ELFN2: variants seen among roughly 807,000 people sequenced by gnomAD.
ELFN2 encodes the protein protein phosphatase 1 regulatory subunit 29.
A neutral mutation model predicts 45.5 loss-of-function variants in ELFN2; 17 were observed. The ratio of observed to expected loss-of-function variants is 0.37; its 90% CI spans 0.26 to 0.56. The LOEUF is 0.56. Ranked by LOEUF, ELFN2 falls within the 20% of genes least tolerant of loss-of-function variation. The pLI is 0.77. For missense variants in ELFN2, 922 were observed against 1,183.2 expected (o/e 0.78, Z 3.24); for synonymous variants, 550 against 551.5 (o/e 1.00, Z 0.04).
chr22:37,390,251 C>A (rs1932056187), intron 2 of ELFN2, among the ~76,000 whole-genome samples: 1 of 152,220 alleles, frequency 6.6e-6, no homozygotes, highest in Non-Finnish European at 1.5e-5. Context: ...GCGCCTGACA[C>A]AGGAGAGTCG....
At chr22:37,348,839 C>A (rs1039115882) in intron 1 of ELFN2, among the ~76,000 whole-genome samples, 1 of 150,386 alleles carries the variant, frequency 6.6e-6, no homozygotes, top group African/African-American at 2.4e-5. Context: ...CATGAGGGGT[C>A]GGGAGAAAAT....
At chr22:37,425,375 A>G (rs1482590217) in intron 1 of ELFN2, among the ~76,000 whole-genome samples, 1 of 152,182 alleles carries the variant, frequency 6.6e-6, no homozygotes, top group African/African-American at 2.4e-5. Flanking sequence ...AAGGGGTCCC[A>G]TGCCCACTCA....
At chr22:37,393,423 G>A (rs903720790) in intron 2 of ELFN2, among the ~76,000 whole-genome samples, 7 of 152,192 alleles carry the variant, frequency 4.6e-5, no homozygotes, top group East Asian at 3.9e-4. Context: ...CAGCATCTCC[G>A]GGCTAACTTG....
intron 1 of ELFN2, among the ~76,000 whole-genome samples, chr22:37,362,553 A>C (rs976830212): frequency 7.2e-5 from 11 of 152,170 alleles, no homozygotes; most frequent in Non-Finnish European, 1.2e-4. Flanking sequence ...CCACTGGCCT[A>C]AGGTTGGGAC....
chr22:37,355,375 C>G (rs1930923818), intron 1 of ELFN2, among the ~76,000 whole-genome samples: 2 of 152,234 alleles, frequency 1.3e-5, no homozygotes, highest in Non-Finnish European at 2.9e-5. Flanking sequence ...GCGGGCCCTC[C>G]CTGATGTCTC....
chr22:37,387,786 C>T (rs1195233536), intron 2 of ELFN2, among the ~76,000 whole-genome samples: 1 of 152,062 alleles, frequency 6.6e-6, no homozygotes, highest in African/African-American at 2.4e-5. Flanking sequence ...CCCGCTTCCC[C>T]CTCCCCTACC....
chr22:37,349,695 C>G (rs1044796246), intron 1 of ELFN2, among the ~76,000 whole-genome samples: 1 of 151,080 alleles, frequency 6.6e-6, no homozygotes, highest in Non-Finnish European at 1.5e-5. Context: ...CAGCCCACAC[C>G]GTGGTTTACA....
rs765239864 is a variant in ELFN2, at chr22:37,374,169, C to T, written c.1366G>A (p.Ala456Thr). 9 of 1,613,086 alleles carry T rather than the reference C, an allele frequency of 5.6e-6. No homozygotes were observed. The highest frequency in any genetic ancestry group is 3.3e-5 in the South Asian group (3 of 91,088). Residue 456 changes from alanine to threonine, a missense_variant, in exon 3 of 3, where the codon GCC (alanine) becomes ACC (threonine). Ala to Thr is a moderately conservative substitution (Grantham distance 58). Transcript: ENST00000402918. ...DVDAGSIVHA[A>T]QKLGEPPVLP... ...ACGGGAGGCTCGCCCAGCTTCTGGG[C>T]GGCGTGCACAATGGAGCCGGCATCC... is the stretch of plus-strand genomic sequence containing the variant.
chr22:37,367,413 G>T (rs1168847406), downstream of ELFN2, among the ~76,000 whole-genome samples: 5 of 152,228 alleles, frequency 3.3e-5, no homozygotes, highest in Non-Finnish European at 5.9e-5. Context: ...CAGAGGAGGG[G>T]TGGGCCAGGG....
At chr22:37,391,285 A>G (rs11089839) in intron 2 of ELFN2, among the ~76,000 whole-genome samples, 76,724 of 152,044 alleles carry the variant, frequency 0.5, 21,760 homozygotes, top group African/African-American at 0.79. Context: ...CCACAGCCTC[A>G]TAGAGGACAA....
Position 37,374,086 on chromosome 22 carries a change from G to A in ELFN2, c.1449C>T (p.Thr483=), listed in dbSNP as rs201073943. The A allele has an allele frequency of 1.4e-5, 23 of 1,613,030 alleles. No individual in the cohort carries two copies. Among genetic ancestry groups the A allele is most frequent in the African/African-American group, 2.7e-5 (2 of 74,938 alleles). Residue 483 remains threonine, a synonymous_variant, in exon 3 of 3, where the codon ACC becomes ACT. Coordinates refer to ENST00000402918, the MANE Select transcript of ELFN2 (RefSeq NM_052906.5). The part of the protein sequence containing the change: ...IPSMIGEKLP[T]AKGLEAGLDT... ...CCAGCCCGGCCTCCAACCCCTTGGCGGTGGGCAGCTTCTCCCCGATCATGG... is the reference window on the plus strand; with the variant it reads ...CCAGCCCGGCCTCCAACCCCTTGGCAGTGGGCAGCTTCTCCCCGATCATGG...
intron 2 of ELFN2, among the ~76,000 whole-genome samples, chr22:37,412,143 G>C (rs1017816362): frequency 6.6e-6 from 1 of 151,850 alleles, no homozygotes; most frequent in Admixed American, 6.6e-5. Context: ...TCAGGAGTTC[G>C]AGACCAGCCT....
chr22:37,412,246 C>T (rs996482499), intron 2 of ELFN2, among the ~76,000 whole-genome samples: 3 of 144,194 alleles, frequency 2.1e-5, no homozygotes, highest in Non-Finnish European at 4.5e-5. Flanking sequence ...AGCTTTCTCT[C>T]CAGCCTGGGC....
At chr22:37,350,595 C>G (rs775270518) in intron 1 of ELFN2, among the ~76,000 whole-genome samples, 1 of 150,794 alleles carries the variant, frequency 6.6e-6, no homozygotes, top group South Asian at 2.1e-4. Context: ...TTCCCCTCCC[C>G]GGGCCTGGTC....
intron 2 of ELFN2, among the ~76,000 whole-genome samples, chr22:37,378,175 C>T (rs906407276): frequency 6.6e-6 from 1 of 152,240 alleles, no homozygotes; most frequent in African/African-American, 2.4e-5. Context: ...GTGCACACGT[C>T]CTCTGCATCA....
Position 37,368,307 on chromosome 22 carries a change from G to A in ELFN2, c.*4765C>T, listed in dbSNP as rs1931255608. On this transcript the variant is annotated 3_prime_UTR_variant, in exon 3 of 3. Transcript: ENST00000402918. The stretch of plus-strand genomic sequence containing the variant: ...GGAAGGGAGGGAGGGAGGGAAGTGT[G>A]GCCGCCACTGCAGGAACTCCAAGCC... The A allele has an allele frequency of 6.6e-6, 1 of 152,416 alleles. No individual in the cohort carries two copies. The highest frequency in any genetic ancestry group is 2.4e-5 in the African/African-American group (1 of 41,456). 9.4% of individuals were successfully genotyped at this position (152,416 alleles called of 1,614,324 possible).
At chr22:37,399,035 C>G (rs533008291) in intron 2 of ELFN2, among the ~76,000 whole-genome samples, 1 of 152,280 alleles carries the variant, frequency 6.6e-6, no homozygotes, top group Non-Finnish European at 1.5e-5. Flanking sequence ...CCAGCCTTTT[C>G]CTGGCCCGGA....
At chr22:37,376,577 C>T (rs1931592143) in intron 2 of ELFN2, among the ~76,000 whole-genome samples, 1 of 152,196 alleles carries the variant, frequency 6.6e-6, no homozygotes. Flanking sequence ...TGTGTAACTG[C>T]TCTTGTTCCA....
chr22:37,405,503 C>G (rs1236841319), intron 2 of ELFN2, among the ~76,000 whole-genome samples: 1 of 152,072 alleles, frequency 6.6e-6, no homozygotes, highest in African/African-American at 2.4e-5. Flanking sequence ...GGTCACCTGC[C>G]TGGGACATAG....
Sources: gnomAD v4.1 joint callset for allele counts (sites outside exome capture counted in the v4.1 genomes callset) on GRCh38, gnomAD v4.1.1 for gene constraint, MANE v1.5 for transcripts, NCBI Gene and HGNC (gene_info 2026-07-23, HGNC 2026-07-21) for gene names.